The following PTPRC variants were observed in gnomAD, a reference collection of about 807,000 sequenced individuals.
PTPRC encodes protein tyrosine phosphatase receptor type C, also known as receptor-type tyrosine-protein phosphatase C.
A neutral mutation model predicts 155.9 loss-of-function variants in PTPRC; 44 were observed. That is an observed-to-expected ratio of 0.28 (90% confidence interval 0.22 to 0.36). PTPRC has a LOEUF of 0.36. Ranked by LOEUF, PTPRC falls within the 10% of genes least tolerant of loss-of-function variation. The pLI, the probability that PTPRC is intolerant of heterozygous loss-of-function variation, is 1.00. For synonymous variants in PTPRC, 525 were observed against 533.1 expected (o/e 0.98, Z 0.21); for missense variants, 1,401 against 1,564.6 (o/e 0.90, Z 1.76).
intron 12 of PTPRC, among the ~76,000 whole-genome samples, chr1:198,715,104 T>C (rs1352274530): frequency 6.6e-6 from 1 of 152,076 alleles, no homozygotes; most frequent in Non-Finnish European, 1.5e-5. Context: ...CTTGATCTGT[T>C]TCCTTTCTGC....
At chr1:198,750,691 A>G (rs943029065) in intron 29 of PTPRC, 65 bp downstream of exon 29, 2 of 1,575,870 alleles carry the variant, frequency 1.3e-6, no homozygotes, top group African/African-American at 2.7e-5. Context: ...CTAGTCTTGG[A>G]TTGCTTGCTT....
intron 2 of PTPRC, among the ~76,000 whole-genome samples, chr1:198,642,426 G>A (rs547502142): frequency 1.2e-3 from 177 of 142,650 alleles, no homozygotes; most frequent in Non-Finnish European, 2.1e-3. Flanking sequence ...TCTATTTGGC[G>A]TTCCCATGAA....
intron 20 of PTPRC, among the ~76,000 whole-genome samples, 187 bp from the exon 21 acceptor site, chr1:198,734,009 C>T (rs913224160): frequency 1.3e-5 from 2 of 151,788 alleles, no homozygotes; most frequent in Non-Finnish European, 2.9e-5. Flanking sequence ...CAAATGCTAA[C>T]ATGTTTAGCA....
intron 6 of PTPRC, among the ~76,000 whole-genome samples, chr1:198,702,984 G>T (rs1037740543): frequency 6.6e-6 from 1 of 152,102 alleles, no homozygotes; most frequent in African/African-American, 2.4e-5. Context: ...TAATTGTGAC[G>T]CTTATTAGAA....
intron 2 of PTPRC, among the ~76,000 whole-genome samples, chr1:198,647,771 T>C (rs1663017451): frequency 6.6e-6 from 1 of 151,892 alleles, no homozygotes; most frequent in East Asian, 1.9e-4. Context: ...CAGTTATTTA[T>C]TAACTTATTA....
chr1:198,708,139 A>C lies in PTPRC; in HGVS notation c.911A>C (p.Glu304Ala). ...TLILDVPPGV[E>A]KFQLHDCTQV... ...TTCTGTATCTTCTTGTCAGGGGTTG[A>C]AAAGTTTCAGTTACATGATTGTACA... is the stretch of plus-strand genomic sequence containing the variant. The change falls in exon 10 of 33, where the codon GAA becomes GCA. Residue 304 changes from glutamate to alanine, a missense_variant. By Grantham distance (107) the Glu-to-Ala change is moderately radical. This residue lies in a region of PTPRC where 867 missense variants were observed against 970.4 expected (regional missense o/e 0.89). Coordinates refer to ENST00000442510, the MANE Select transcript of PTPRC (RefSeq NM_002838.5). The C allele has an allele frequency of 1.2e-6, 2 of 1,605,010 alleles. No homozygotes were observed. Among genetic ancestry groups the C allele is most frequent in the Non-Finnish European group, 1.7e-6 (2 of 1,172,626 alleles).
chr1:198,734,070 C>T (rs1346128381), intron 20 of PTPRC, 126 bp from the exon 21 acceptor site: 26 of 895,196 alleles, frequency 2.9e-5, no homozygotes, highest in Non-Finnish European at 4.7e-5. Flanking sequence ...TACTTTGAAA[C>T]TGCCCAGAGA....
At chr1:198,711,440 A>G (rs1653305256) in intron 11 of PTPRC, among the ~76,000 whole-genome samples, 1 of 152,196 alleles carries the variant, frequency 6.6e-6, no homozygotes, top group Admixed American at 6.5e-5. Flanking sequence ...CTGTAGAAAA[A>G]AAATGAACAT....
intron 2 of PTPRC, among the ~76,000 whole-genome samples, chr1:198,678,170 T>G (rs914364514): frequency 1.3e-5 from 2 of 152,202 alleles, no homozygotes; most frequent in African/African-American, 4.8e-5. Context: ...AATCCAAAAA[T>G]GTTTATTGTT....
chr1:198,689,727 C>T (rs3754098), intron 2 of PTPRC, among the ~76,000 whole-genome samples: 19,361 of 152,118 alleles, frequency 0.13, 1,484 homozygotes, highest in South Asian at 0.21. Context: ...CCAGCAATTA[C>T]TTATCAATCA....
At chr1:198,683,786 T>TACAC (rs1224796436) in intron 2 of PTPRC, among the ~76,000 whole-genome samples, 1 of 152,094 alleles carries the variant, frequency 6.6e-6, no homozygotes, top group Admixed American at 6.5e-5. Flanking sequence ...TAATACTGGT[T>TACAC]ACACACACAT....
At chr1:198,673,739 A>C (rs1221882547) in intron 2 of PTPRC, among the ~76,000 whole-genome samples, 2 of 152,248 alleles carry the variant, frequency 1.3e-5, no homozygotes, top group African/African-American at 2.4e-5. Flanking sequence ...GGTGTGAATA[A>C]TGATTAAAGA....
At chr1:198,649,422 G>A (rs185278837) in intron 2 of PTPRC, among the ~76,000 whole-genome samples, 193 of 151,970 alleles carry the variant, frequency 1.3e-3, no homozygotes, top group African/African-American at 4.5e-3. Flanking sequence ...TGACGGAAAG[G>A]AAGTGGTGAT....
At chr1:198,650,282 A>G (rs1395912080) in intron 2 of PTPRC, among the ~76,000 whole-genome samples, 1 of 151,872 alleles carries the variant, frequency 6.6e-6, no homozygotes, top group Non-Finnish European at 1.5e-5. Flanking sequence ...AGAATAACCT[A>G]ATCTTCTTTC....
chr1:198,674,305 T>G (rs1386288667), intron 2 of PTPRC, among the ~76,000 whole-genome samples: 1 of 152,102 alleles, frequency 6.6e-6, no homozygotes, highest in Admixed American at 6.6e-5. Flanking sequence ...AATTCACAAC[T>G]AGTGAGTGAG....
intron 2 of PTPRC, among the ~76,000 whole-genome samples, chr1:198,645,714 G>A (rs1201200161): frequency 6.6e-6 from 1 of 151,790 alleles, no homozygotes; most frequent in Non-Finnish European, 1.5e-5. Context: ...AGCAGATAAA[G>A]GGATAGTTTA....
intron 13 of PTPRC, among the ~76,000 whole-genome samples, chr1:198,717,698 A>G (rs1653660644): frequency 6.6e-6 from 1 of 152,164 alleles, no homozygotes; most frequent in Non-Finnish European, 1.5e-5. Context: ...TACCAGGATA[A>G]CATTAGCACT....
At position 198,746,620 on chromosome 1, in the gene PTPRC, C is replaced by T. The variant is rs796548610; in HGVS notation, c.2848-1489C>T. 7.4e-4 allele frequency among the ~76,000 whole-genome samples: 113 copies of T among 151,820 alleles called. 1 individual carries two copies. Among genetic ancestry groups the T allele is most frequent in the African/African-American group, 2.4e-3 (99 of 41,464 alleles). On this transcript the variant is annotated intron_variant, in intron 26 of 32. Coordinates refer to ENST00000442510, the MANE Select transcript of PTPRC (RefSeq NM_002838.5). ...GGTTGTATCTGAGGATACAAATAAC[C>T]ATTCAGGAATAAAAATCTGGGGAAT...
chr1:198,664,929 C>T (rs1043743262), intron 2 of PTPRC, among the ~76,000 whole-genome samples: 2 of 152,096 alleles, frequency 1.3e-5, no homozygotes, highest in Non-Finnish European at 2.9e-5. Context: ...AGGAAAAGGA[C>T]AAATATGCTA....
Sources: allele counts gnomAD v4.1 joint callset (sites outside exome capture counted in the v4.1 genomes callset), GRCh38; gene constraint gnomAD v4.1.1; regional missense constraint gnomAD v4.1.1; transcripts MANE v1.5; gene names NCBI Gene and HGNC (gene_info 2026-07-23, HGNC 2026-07-21).